Variants in HMGN2 observed in about 807,000 individuals in gnomAD.
The protein encoded by HMGN2 is non-histone chromosomal protein HMG-17.
HMGN2 carries 2 observed loss-of-function variants against 16.9 expected under a neutral mutation model. The observed-to-expected ratio is 0.12, with a 90% CI of 0.05 to 0.37. The LOEUF (loss-of-function observed/expected upper bound fraction) is 0.37. Ranked by LOEUF, HMGN2 falls within the 10% of genes least tolerant of loss-of-function variation. HMGN2 has a pLI of 1.00. For missense variants in HMGN2, 90 were observed against 106.0 expected (o/e 0.85, Z 0.66); for synonymous variants, 31 against 34.9 (o/e 0.89, Z 0.39).
rs1417772871 is a variant in HMGN2, at chr1:26,473,802, G to A, written c.90+70G>A. Reference sequence around the variant, plus strand: ...AAAACATCAAAAAACAATTCCCTTTGCTTCCATGAATTATGGTTAGTGCCT... The same window carrying A: ...AAAACATCAAAAAACAATTCCCTTTACTTCCATGAATTATGGTTAGTGCCT... On this transcript the variant is annotated intron_variant, in intron 3 of 5. Transcript: ENST00000361427. 3 of 1,462,498 alleles carry A rather than the reference G, an allele frequency of 2.1e-6. No individual in the cohort carries two copies. The East Asian group carries it at 6.8e-5, about 33-fold the overall frequency. 90.6% of individuals were successfully genotyped at this position (1,462,498 alleles called of 1,614,324 possible).
In HMGN2 at chr1:26,474,583, G is replaced by T; in HGVS notation, c.153G>T (p.Lys51Asn). 5 of 1,546,260 alleles carry T rather than the reference G, an allele frequency of 3.2e-6. No individual in the cohort carries two copies. The highest frequency in any genetic ancestry group is 4.5e-6 in the Non-Finnish European group (5 of 1,120,620). The change falls in exon 5 of 6, where the codon AAG becomes AAT. Residue 51 changes from lysine (K) to asparagine (N), a missense_variant. By Grantham distance (94) the Lys-to-Asn change is moderately conservative. Coordinates refer to ENST00000361427, the MANE Select transcript of HMGN2 (RefSeq NM_005517.4). ...TTCCCCTTTTTCAGAAGGGAGAGAA[G>T]GTACCCAAAGGGAAAAAGGGAAAAG... ...PKKAPAKKGE[K>N]VPKGKKGKAD... is the part of the protein sequence containing the mutation.
At chr1:26,473,240 C>CGCGGTGGTGCGGGCT in intron 1 of HMGN2, 1 of 538,536 alleles carries the variant, frequency 1.9e-6, no homozygotes, top group Non-Finnish European at 3.3e-6. Flanking sequence ...TCCTGCCTGT[C>CGCGGTGGTGCGGGCT]GCGGTGGTGC....
Position 26,473,467 on chromosome 1 carries a change from T to C in HMGN2, c.16-16T>C, listed in dbSNP as rs1259058019. 6.2e-7 allele frequency: 1 copy of C among 1,605,694 alleles called. No individual in the cohort carries two copies. The highest frequency in any genetic ancestry group is 8.5e-7 in the Non-Finnish European group (1 of 1,172,606). On this transcript the variant is annotated splice_polypyrimidine_tract_variant and intron_variant, in intron 1 of 5. Coordinates refer to ENST00000361427, the MANE Select transcript of HMGN2 (RefSeq NM_005517.4). ...CCACCTCAAAATCTGCAGTTTTTTG[T>C]TCTTGTTTCTTATAGGCTGAAGGGG...
At chr1:26,474,531 C>A (rs370881200) in intron 4 of HMGN2, 41 bp from the exon 5 acceptor site, 1 of 956,058 alleles carries the variant, frequency 1.0e-6, no homozygotes, top group South Asian at 1.4e-5. Context: ...CTTGGTAATA[C>A]GAAATGGGGA....
In HMGN2 at chr1:26,475,249, T is replaced by TC; in HGVS notation, c.*101_*102insC. 6.3e-6 allele frequency: 5 copies of TC among 798,458 alleles called. No homozygotes were observed. Among genetic ancestry groups the TC allele is most frequent in the Non-Finnish European group, 9.9e-6 (5 of 502,672 alleles). The allele number at this position is 798,458 out of a possible 1,614,324, so 49.5% of individuals were successfully genotyped here. A position where few individuals can be genotyped will look rare whatever the true frequency, so the allele number is the denominator to read the frequency against. On this transcript the variant is annotated 3_prime_UTR_variant, in exon 6 of 6. Coordinates refer to ENST00000361427, the MANE Select transcript of HMGN2 (RefSeq NM_005517.4). ...AAAAATGCAGAATTTTGTTTTACTTTTTTTTTTTTTTTAAAAGCTATGTTG... is the reference window on the plus strand; with the variant it reads ...AAAAATGCAGAATTTTGTTTTACTTTCTTTTTTTTTTTTAAAAGCTATGTTG...
At position 26,476,428 on chromosome 1, in the gene HMGN2, CTT is replaced by C. The variant is rs1321350814; in HGVS notation, c.*1282_*1283del. Among the ~76,000 whole-genome samples, 1 of 152,182 alleles carries C rather than the reference CTT, an allele frequency of 6.6e-6. No homozygotes were observed. The highest frequency in any genetic ancestry group is 1.5e-5 in the Non-Finnish European group (1 of 68,032). On this transcript the variant is annotated 3_prime_UTR_variant, in exon 6 of 6. Coordinates refer to ENST00000361427, the MANE Select transcript of HMGN2 (RefSeq NM_005517.4). ...TTGTCCATTTGTAAGGTAGATGACA[CTT>C]TGCTCCTAAGTAGACCTGCAAACAA... is the stretch of plus-strand genomic sequence containing the variant.
At chr1:26,474,251 C>G in intron 4 of HMGN2, 116 bp downstream of exon 4, 1 of 725,860 alleles carries the variant, frequency 1.4e-6, no homozygotes, top group South Asian at 1.9e-5. Flanking sequence ...GTGTGGATAG[C>G]TTACCTCGTC....
Position 26,472,581 on chromosome 1 carries a change from A to G in HMGN2, c.-32A>G. On this transcript the variant is annotated 5_prime_UTR_variant, in exon 1 of 6. Coordinates refer to ENST00000361427, the MANE Select transcript of HMGN2 (RefSeq NM_005517.4). The stretch of plus-strand genomic sequence containing the variant: ...CGCGCCGCTGCATCCCGCGTCCAGC[A>G]CCTACGTCCCGCTGCCGTCGCCGCC... 2 of 1,535,456 alleles carry G rather than the reference A, an allele frequency of 1.3e-6. No individual in the cohort carries two copies. The highest frequency in any genetic ancestry group is 1.7e-6 in the Non-Finnish European group (2 of 1,148,036).
At chr1:26,472,749 G>C in intron 1 of HMGN2, 122 bp downstream of exon 1, 1 of 866,182 alleles carries the variant, frequency 1.2e-6, no homozygotes, top group African/African-American at 1.8e-5. Context: ...CCCGCGCGGG[G>C]GCTGGAGACG....
chr1:26,472,848 G>A (rs2075580991), intron 1 of HMGN2, among the ~76,000 whole-genome samples: 3 of 151,858 alleles, frequency 2.0e-5, no homozygotes, highest in African/African-American at 4.8e-5. Flanking sequence ...CGCGGCGGGA[G>A]GAGCCATGTT....
intron 1 of HMGN2, among the ~76,000 whole-genome samples, chr1:26,472,865 T>A (rs2075581292): frequency 6.6e-6 from 1 of 151,590 alleles, no homozygotes; most frequent in African/African-American, 2.4e-5. Flanking sequence ...TGTTGGCGGC[T>A]GTTTATCCCG....
chr1:26,473,213 C>A (rs1246408005), intron 1 of HMGN2: 1 of 471,514 alleles, frequency 2.1e-6, no homozygotes, highest in Non-Finnish European at 3.7e-6. Flanking sequence ...TTTGTTTGCG[C>A]CATCTGCAGC....
intron 1 of HMGN2, 29 bp downstream of exon 1, chr1:26,472,656 GGCCACCACT>G (rs760916512): frequency 2.4e-5 from 36 of 1,521,974 alleles, no homozygotes; most frequent in African/African-American, 8.4e-5. Flanking sequence ...CCAGGCGCCG[GGCCACCACT>G]GCCGCCACCG....
Position 26,472,726 on chromosome 1 carries a change from C to T in HMGN2, c.15+99C>T, listed in dbSNP as rs1343475337. 7 of 1,086,224 alleles carry T rather than the reference C, an allele frequency of 6.4e-6. No individual in the cohort carries two copies. The East Asian group carries it at 2.0e-4, about 31-fold the overall frequency. The allele number at this position is 1,086,224 out of a possible 1,614,324, so 67.3% of individuals were successfully genotyped here. On this transcript the variant is annotated intron_variant, in intron 1 of 5. Transcript: ENST00000361427. ...AGCGAGAATCGGCGCCGAGCAGGAG[C>T]CAGCGCAGCCTCCCCGCGCGGGGGC...
At chr1:26,472,805 G>C (rs547933735) in intron 1 of HMGN2, among the ~76,000 whole-genome samples, 178 bp downstream of exon 1, 232 of 151,554 alleles carry the variant, frequency 1.5e-3, no homozygotes, top group African/African-American at 5.3e-3. Flanking sequence ...GGCTGCCCGC[G>C]GGCGCCAGAG....
At position 26,473,792 on chromosome 1, in the gene HMGN2, A is replaced by G; in HGVS notation, c.90+60A>G. Reference sequence around the variant, plus strand: ...CTGAAACTAAAAAACATCAAAAAACAATTCCCTTTGCTTCCATGAATTATG... The same window carrying G: ...CTGAAACTAAAAAACATCAAAAAACGATTCCCTTTGCTTCCATGAATTATG... On this transcript the variant is annotated intron_variant, in intron 3 of 5. Coordinates refer to ENST00000361427, the MANE Select transcript of HMGN2 (RefSeq NM_005517.4). 8 of 1,506,484 alleles carry G rather than the reference A, an allele frequency of 5.3e-6. No homozygotes were observed. The South Asian group carries it at 9.0e-5, about 17-fold the overall frequency. 93.3% of individuals were successfully genotyped at this position (1,506,484 alleles called of 1,614,324 possible).
At position 26,475,815 on chromosome 1, in the gene HMGN2, G is replaced by A. The variant is rs1045112768; in HGVS notation, c.*667G>A. On this transcript the variant is annotated 3_prime_UTR_variant, in exon 6 of 6. Transcript: ENST00000361427. ...GAGCATCAGATGAAGACTTCATTGG[G>A]TTTTATAGTGGCTTTCTGATTTTTG... 4 of 316,140 alleles carry A rather than the reference G, an allele frequency of 1.3e-5. No individual in the cohort carries two copies. Among genetic ancestry groups the A allele is most frequent in the Admixed American group, 8.8e-5 (2 of 22,638 alleles). The allele number at this position is 316,140 out of a possible 1,614,324, so 19.6% of individuals were successfully genotyped here. A position where few individuals can be genotyped will look rare whatever the true frequency, so the allele number is the denominator to read the frequency against.
Position 26,475,272 on chromosome 1 carries a change from T to A in HMGN2, c.*124T>A. On this transcript the variant is annotated 3_prime_UTR_variant, in exon 6 of 6. Coordinates refer to ENST00000361427, the MANE Select transcript of HMGN2 (RefSeq NM_005517.4). ...TTTTTTTTTTTTTTTAAAAGCTATG[T>A]TGTTAGCACACAGAACACTTCATTG... 1.6e-6 allele frequency: 1 copy of A among 635,796 alleles called. No homozygotes were observed. The highest frequency in any genetic ancestry group is 2.0e-5 in the South Asian group (1 of 49,382). The allele number at this position is 635,796 out of a possible 1,614,324, so 39.4% of individuals were successfully genotyped here.
At chr1:26,473,021 C>G (rs1317461401) in intron 1 of HMGN2, among the ~76,000 whole-genome samples, 1 of 82,538 alleles carries the variant, frequency 1.2e-5, no homozygotes, top group African/African-American at 4.9e-5. Context: ...AGCGCTGCCG[C>G]CAAAAAACCG....
Sources: allele counts gnomAD v4.1 joint callset (sites outside exome capture counted in the v4.1 genomes callset), GRCh38; gene constraint gnomAD v4.1.1; transcripts MANE v1.5; gene names NCBI Gene and HGNC (gene_info 2026-07-23, HGNC 2026-07-21).